Variants in FMN2 observed in about 807,000 individuals in gnomAD.
FMN2 encodes the protein formin 2, also known as formin-2.
In FMN2, 51 loss-of-function variants were observed where a neutral mutation model predicts 142.3. The observed-to-expected ratio is 0.36, with a 90% CI of 0.29 to 0.45. The LOEUF (loss-of-function observed/expected upper bound fraction) is 0.45. Among genes scored for constraint, FMN2 ranks in the 20% least tolerant of loss-of-function variants. FMN2 has a pLI of 1.00. For synonymous variants in FMN2, 882 were observed against 869.8 expected (o/e 1.01, Z -0.25); for missense variants, 1,936 against 2,122.8 (o/e 0.91, Z 1.73).
At chr1:240,225,150 G>A (rs1172841306) in intron 6 of FMN2, among the ~76,000 whole-genome samples, 1 of 152,158 alleles carries the variant, frequency 6.6e-6, no homozygotes, top group African/African-American at 2.4e-5. Context: ...TAAGAAACGA[G>A]GCTTAAAAAT....
At chr1:240,342,802 C>T (rs1400961814) in intron 13 of FMN2, among the ~76,000 whole-genome samples, 1 of 152,052 alleles carries the variant, frequency 6.6e-6, no homozygotes, top group Non-Finnish European at 1.5e-5. Flanking sequence ...TAGATTCTTT[C>T]CTCATAGCTC....
At chr1:240,274,445 A>AG (rs1491416498) in intron 7 of FMN2, among the ~76,000 whole-genome samples, 2 of 152,110 alleles carry the variant, frequency 1.3e-5, no homozygotes. Flanking sequence ...GAGAGCACTC[A>AG]GCGGGGAGAG....
chr1:240,297,694 C>T (rs930962451), intron 8 of FMN2, among the ~76,000 whole-genome samples: 2 of 151,090 alleles, frequency 1.3e-5, no homozygotes, highest in African/African-American at 4.9e-5. Context: ...TCAGGACAAA[C>T]TGGATAGCTA....
chr1:240,436,565 T>C (rs773988712), intron 15 of FMN2, among the ~76,000 whole-genome samples: 109 of 152,054 alleles, frequency 7.2e-4, no homozygotes, highest in Non-Finnish European at 1.4e-3. Flanking sequence ...TAATCCCAGC[T>C]ATTTGGGAGG....
intron 14 of FMN2, among the ~76,000 whole-genome samples, chr1:240,361,115 TATA>T (rs1217870815): frequency 5.2e-5 from 7 of 133,986 alleles, no homozygotes; most frequent in Non-Finnish European, 1.1e-4. Flanking sequence ...GAACTTAAAG[TATA>T]ATAATAATAA....
chr1:240,208,675 A>G lies in FMN2; in HGVS notation c.3863A>G (p.Glu1288Gly). Reference sequence around the variant, plus strand: ...AAAGGGAGTAGGAAGCAGCCCATAGAGCCTTGTCGACCAATGAAGCCTCTT... The same window carrying G: ...AAAGGGAGTAGGAAGCAGCCCATAGGGCCTTGTCGACCAATGAAGCCTCTT... Reference protein sequence around the residue: ...QDKGSRKQPIEPCRPMKPLYW... With the variant: ...QDKGSRKQPIGPCRPMKPLYW... The change falls in exon 5 of 18, where the codon GAG becomes GGG. Residue 1288 changes from glutamate (E) to glycine (G), a missense_variant. By Grantham distance (98) the Glu-to-Gly change is moderately conservative. This residue lies in a region of FMN2 where 259 missense variants were observed against 230.9 expected (regional missense o/e 1.12). Coordinates refer to ENST00000319653, the MANE Select transcript of FMN2 (RefSeq NM_020066.5). The G allele has an allele frequency of 2.5e-6, 4 of 1,613,846 alleles. No individual in the cohort carries two copies. Among genetic ancestry groups the G allele is most frequent in the Non-Finnish European group, 3.4e-6 (4 of 1,179,986 alleles).
chr1:240,210,100 C>T (rs1418966338), intron 5 of FMN2, among the ~76,000 whole-genome samples: 5 of 152,150 alleles, frequency 3.3e-5, no homozygotes, highest in African/African-American at 1.2e-4. Flanking sequence ...GTCATACAAT[C>T]ATAGCTGGGA....
intron 14 of FMN2, among the ~76,000 whole-genome samples, chr1:240,361,844 T>C (rs557729532): frequency 1.3e-5 from 2 of 152,318 alleles, no homozygotes; most frequent in South Asian, 4.1e-4. Flanking sequence ...AGGGATAGTA[T>C]TCTGGAGGAG....
At chr1:240,211,963 T>A (rs1014769304) in intron 6 of FMN2, among the ~76,000 whole-genome samples, 4 of 152,192 alleles carry the variant, frequency 2.6e-5, no homozygotes, top group Non-Finnish European at 2.9e-5. Context: ...AAAGAATTGC[T>A]AATGGTGCCC....
At chr1:240,170,662 C>T (rs2103309611) in intron 2 of FMN2, 2 of 1,572,572 alleles carry the variant, frequency 1.3e-6, no homozygotes, top group Non-Finnish European at 1.8e-6. Context: ...TTCTTTAGCA[C>T]CTTTGGATAA....
chr1:240,382,029 GA>G (rs1673241768), intron 14 of FMN2, among the ~76,000 whole-genome samples: 1 of 152,152 alleles, frequency 6.6e-6, no homozygotes, highest in Non-Finnish European at 1.5e-5. Flanking sequence ...GAAGAAGTCA[GA>G]TTATCTCTCC....
At chr1:240,294,048 C>T (rs928923536) in intron 7 of FMN2, among the ~76,000 whole-genome samples, 3 of 152,150 alleles carry the variant, frequency 2.0e-5, no homozygotes, top group Non-Finnish European at 4.4e-5. Flanking sequence ...GGCTACTTGG[C>T]ACAAATTCTA....
chr1:240,209,675 C>T (rs1192464422), intron 5 of FMN2, among the ~76,000 whole-genome samples: 1 of 150,302 alleles, frequency 6.7e-6, no homozygotes, highest in Non-Finnish European at 1.5e-5. Flanking sequence ...GAGGCCGAGG[C>T]GGGTGGATCA....
At chr1:240,143,912 T>C (rs1663307924) in intron 2 of FMN2, 1 of 1,553,490 alleles carries the variant, frequency 6.4e-7, no homozygotes, top group Admixed American at 1.7e-5. Flanking sequence ...TGAGCCAGCG[T>C]AGGCCAAGCC....
chr1:240,354,340 G>A lies in FMN2; in HGVS notation c.4766-1476G>A, dbSNP rs558764080. Among the ~76,000 whole-genome samples the A allele has an allele frequency of 5.3e-5, 8 of 152,278 alleles. No homozygotes were observed. In the South Asian group the frequency reaches 1.7e-3, roughly 32 times the overall value. ...CAGGATGTTGGAATAAAGAGAGGGGGTTGAGAATAAGTCTCCTGTTTTGGC... is the reference window on the plus strand; with the variant it reads ...CAGGATGTTGGAATAAAGAGAGGGGATTGAGAATAAGTCTCCTGTTTTGGC... On this transcript the variant is annotated intron_variant, in intron 13 of 17. Coordinates refer to ENST00000319653, the MANE Select transcript of FMN2 (RefSeq NM_020066.5).
intron 2 of FMN2, among the ~76,000 whole-genome samples, chr1:240,146,665 C>G (rs1385180298): frequency 6.6e-6 from 1 of 151,750 alleles, no homozygotes; most frequent in African/African-American, 2.4e-5. Context: ...GACTTTGTCT[C>G]AATAAATAAA....
intron 2 of FMN2, among the ~76,000 whole-genome samples, chr1:240,147,523 C>T (rs1571984095): frequency 1.3e-5 from 2 of 151,930 alleles, no homozygotes; most frequent in African/African-American, 4.8e-5. Flanking sequence ...GATAGGATTT[C>T]TCTCTGTCAC....
chr1:240,094,135 G>C (rs1012862808), intron 1 of FMN2, among the ~76,000 whole-genome samples: 3 of 152,184 alleles, frequency 2.0e-5, no homozygotes, highest in Admixed American at 2.0e-4. Flanking sequence ...TCTTTCGCAA[G>C]AGTCGGTTTT....
intron 2 of FMN2, chr1:240,144,004 C>T (rs1201282953): frequency 6.6e-6 from 8 of 1,217,524 alleles, no homozygotes; most frequent in Admixed American, 1.7e-5. Flanking sequence ...CAGGGACACA[C>T]TCATTCCAGA....
Sources: allele counts gnomAD v4.1 joint callset (sites outside exome capture counted in the v4.1 genomes callset), GRCh38; gene constraint gnomAD v4.1.1; regional missense constraint gnomAD v4.1.1; transcripts MANE v1.5; gene names NCBI Gene and HGNC (gene_info 2026-07-23, HGNC 2026-07-21).